Variants in PHF24 observed in about 807,000 individuals in gnomAD.
The protein encoded by PHF24 is PHD finger protein 24, also known as Galpha inhibitory interacting protein.
A neutral mutation model predicts 42.6 loss-of-function variants in PHF24; 25 were observed. That is an observed-to-expected ratio of 0.59 (90% CI 0.43 to 0.82). PHF24 has a LOEUF of 0.82. Among genes scored for constraint, PHF24 ranks in the 40% least tolerant of loss-of-function variants. The pLI is 0.00. For synonymous variants in PHF24, 185 were observed against 204.8 expected, an observed-to-expected ratio of 0.90 and a Z score of 0.83; for missense variants, 470 against 538.1, an observed-to-expected ratio of 0.87 and a Z score of 1.25.
chr9:34,967,536 T>C (rs1025339290), intron 1 of PHF24, among the ~76,000 whole-genome samples: 1 of 152,158 alleles, frequency 6.6e-6, no homozygotes, highest in African/African-American at 2.4e-5. Flanking sequence ...GTCTGGAAAA[T>C]GTAATTGCTC....
chr9:34,908,284 C>T, the PHF24 span, among the ~76,000 whole-genome samples: 1 of 152,132 alleles, frequency 6.6e-6, no homozygotes, highest in East Asian at 1.9e-4. Flanking sequence ...AGGCTTTTGT[C>T]TTCACTGCCA....
chr9:34,958,669 C>T lies in PHF24; in HGVS notation c.-5+268C>T, dbSNP rs1826480174. 6.6e-6 allele frequency among the ~76,000 whole-genome samples: 1 copy of T among 152,106 alleles called. No homozygotes were observed. Among genetic ancestry groups the T allele is most frequent in the South Asian group, 2.1e-4 (1 of 4,824 alleles). On this transcript the variant is annotated intron_variant, in intron 1 of 7. Coordinates refer to ENST00000242315, the Ensembl canonical transcript of PHF24. The surrounding 1 kb of genome is among the most constrained non-coding windows in gnomAD (Gnocchi z 4.5). Reference sequence around the variant, plus strand: ...CATTTGCTGCCATAGGGAGCCCCAGCGTGGAGGGGACTGGCCCCAGAGAGC... The same window carrying T: ...CATTTGCTGCCATAGGGAGCCCCAGTGTGGAGGGGACTGGCCCCAGAGAGC...
chr9:34,967,249 G>C (rs1471466444), intron 1 of PHF24, among the ~76,000 whole-genome samples: 1 of 152,166 alleles, frequency 6.6e-6, no homozygotes. Flanking sequence ...TTGTCTTTTA[G>C]AGGTGCGTTC....
intron 1 of PHF24, among the ~76,000 whole-genome samples, chr9:34,968,689 A>G (rs1432888922): frequency 1.3e-5 from 2 of 152,240 alleles, no homozygotes; most frequent in Non-Finnish European, 2.9e-5. Context: ...CAGATAGTAC[A>G]TGTATTAAGG....
the PHF24 span, among the ~76,000 whole-genome samples, chr9:34,735,312 T>A: frequency 6.6e-6 from 1 of 151,086 alleles, no homozygotes; most frequent in African/African-American, 2.4e-5. Context: ...ATTTGTTGTA[T>A]TTTTAGTAGA....
At chr9:34,833,279 G>T in the PHF24 span, 1 of 1,551,144 alleles carries the variant, frequency 6.4e-7, no homozygotes, top group Non-Finnish European at 8.7e-7. Context: ...CTGAACACAA[G>T]GCATGTGGGC....
At chr9:34,981,684 A>G (rs1348892104) in exon 8 of PHF24, 1 of 151,912 alleles carries the variant, frequency 6.6e-6, no homozygotes, top group Non-Finnish European at 1.5e-5. Flanking sequence ...GACTGTCACC[A>G]CAGTCCCTTT....
At chr9:34,833,582 G>T in the PHF24 span, 1 of 1,550,750 alleles carries the variant, frequency 6.4e-7, no homozygotes, top group Non-Finnish European at 8.7e-7. Context: ...TGCCCTAATG[G>T]GAATTCCCCA....
the PHF24 span, among the ~76,000 whole-genome samples, chr9:34,749,487 C>T: frequency 6.6e-6 from 1 of 152,016 alleles, no homozygotes; most frequent in Non-Finnish European, 1.5e-5. Flanking sequence ...AATCTGAGCA[C>T]CTTGAAAGGC....
At chr9:34,903,842 A>G in the PHF24 span, among the ~76,000 whole-genome samples, 4 of 152,160 alleles carry the variant, frequency 2.6e-5, no homozygotes, top group Non-Finnish European at 5.9e-5. Flanking sequence ...TGTGTCATCT[A>G]TGATTTCTTT....
intron 1 of PHF24, among the ~76,000 whole-genome samples, chr9:34,970,497 C>G (rs1826935820): frequency 6.6e-6 from 1 of 152,134 alleles, no homozygotes; most frequent in Non-Finnish European, 1.5e-5. Flanking sequence ...ACCTTGACCA[C>G]ATGGATACGG....
the PHF24 span, among the ~76,000 whole-genome samples, chr9:34,847,208 G>T: frequency 6.6e-6 from 1 of 152,164 alleles, no homozygotes; most frequent in Non-Finnish European, 1.5e-5. Context: ...CCATTTTCAT[G>T]ATATTGATTC....
the PHF24 span, among the ~76,000 whole-genome samples, chr9:34,764,898 T>G: frequency 9.2e-5 from 14 of 151,358 alleles, 1 homozygote; most frequent in South Asian, 2.1e-4. Context: ...TGGTATGTTG[T>G]GTCTTTGTTC....
chr9:34,887,293 AT>A, the PHF24 span, among the ~76,000 whole-genome samples: 1 of 152,218 alleles, frequency 6.6e-6, no homozygotes, highest in Admixed American at 6.5e-5. Flanking sequence ...CAATGCTCTT[AT>A]TTTTAGCACT....
the PHF24 span, among the ~76,000 whole-genome samples, chr9:34,698,412 T>A: frequency 1.3e-5 from 2 of 152,196 alleles, no homozygotes; most frequent in African/African-American, 4.8e-5. Context: ...TGTATTTATA[T>A]GTACTACTGC....
the PHF24 span, chr9:34,728,644 T>C: frequency 4.5e-6 from 7 of 1,551,380 alleles, no homozygotes; most frequent in Non-Finnish European, 6.1e-6. Flanking sequence ...TTGCCTGACT[T>C]TTTGGTGACA....
chr9:34,856,764 C>T, the PHF24 span, among the ~76,000 whole-genome samples: 1 of 152,234 alleles, frequency 6.6e-6, no homozygotes, highest in Non-Finnish European at 1.5e-5. Context: ...GGAATGGGAT[C>T]AGGGACCTGC....
At chr9:34,793,501 A>G in the PHF24 span, among the ~76,000 whole-genome samples, 1 of 152,202 alleles carries the variant, frequency 6.6e-6, no homozygotes, top group African/African-American at 2.4e-5. Flanking sequence ...GAAAACATAG[A>G]AGCCTCTGAA....
At chr9:34,909,133 A>G in the PHF24 span, among the ~76,000 whole-genome samples, 2 of 151,912 alleles carry the variant, frequency 1.3e-5, no homozygotes, top group African/African-American at 4.8e-5. Context: ...CAGGTGAGCC[A>G]CCATGCCCGG....
Sources: allele counts gnomAD v4.1 joint callset (sites outside exome capture counted in the v4.1 genomes callset), GRCh38; gene constraint gnomAD v4.1.1; non-coding constraint Gnocchi (gnomAD v3.1); transcripts MANE v1.5; gene names NCBI Gene and HGNC (gene_info 2026-07-23, HGNC 2026-07-21).